The following CNTNAP2 variants were observed in gnomAD, a reference collection of about 807,000 sequenced individuals.
CNTNAP2 encodes the protein contactin associated protein 2, also known as contactin-associated protein-like 2.
In CNTNAP2, 98 loss-of-function variants were observed where a neutral mutation model predicts 155.2. That is an observed-to-expected ratio of 0.63 (90% CI 0.54 to 0.75). CNTNAP2 has a LOEUF of 0.75. Among genes scored for constraint, CNTNAP2 ranks in the 30% least tolerant of loss-of-function variants. CNTNAP2 has a pLI of 0.00. For missense variants in CNTNAP2, 1,727 were observed against 1,688.1 expected, an observed-to-expected ratio of 1.02 and a Z score of -0.40; for synonymous variants, 651 against 631.2, an observed-to-expected ratio of 1.03 and a Z score of -0.47.
chr7:147,718,828 A>G (rs369981373), intron 13 of CNTNAP2, among the ~76,000 whole-genome samples: 1 of 152,138 alleles, frequency 6.6e-6, no homozygotes, highest in African/African-American at 2.4e-5. Context: ...GGCTTAATCT[A>G]ATTACATACA....
At chr7:147,487,714 A>T (rs964035189) in intron 11 of CNTNAP2, among the ~76,000 whole-genome samples, 17 of 149,760 alleles carry the variant, frequency 1.1e-4, no homozygotes, top group African/African-American at 7.4e-5. Flanking sequence ...AAAAAAAAAA[A>T]TTAAAATGTA....
At chr7:148,159,863 G>T (rs1805484036) in intron 17 of CNTNAP2, among the ~76,000 whole-genome samples, 1 of 152,078 alleles carries the variant, frequency 6.6e-6, no homozygotes, top group Admixed American at 6.5e-5. Flanking sequence ...TTGATTTATT[G>T]TTCCTTGTAC....
chr7:146,244,427 GA>G (rs1218232137), intron 1 of CNTNAP2, among the ~76,000 whole-genome samples: 1 of 152,148 alleles, frequency 6.6e-6, no homozygotes, highest in African/African-American at 2.4e-5. Flanking sequence ...CTGGTGTCTG[GA>G]ATGAGACTGG....
At chr7:147,226,006 TGAAA>T (rs529591434) in intron 8 of CNTNAP2, among the ~76,000 whole-genome samples, 21 of 150,032 alleles carry the variant, frequency 1.4e-4, no homozygotes, top group African/African-American at 2.7e-4. Flanking sequence ...AAAGAAAGAA[TGAAA>T]GAAAGAAAGA....
Position 148,143,793 on chromosome 7 carries a change from C to A in CNTNAP2, c.2555-3698C>A, listed in dbSNP as rs568461764. On this transcript the variant is annotated intron_variant, in intron 16 of 23. Transcript: ENST00000361727. ...GACATTTGTGAGGCAGCTCCAGCAA[C>A]ATTAAGAACCACAGCTTCCCACCCA... 8.5e-5 allele frequency among the ~76,000 whole-genome samples: 13 copies of A among 152,330 alleles called. No homozygotes were observed. The South Asian group carries it at 2.1e-3, about 24-fold the overall frequency.
chr7:146,647,032 C>A (rs972449360), intron 1 of CNTNAP2, among the ~76,000 whole-genome samples: 7 of 152,182 alleles, frequency 4.6e-5, no homozygotes, highest in African/African-American at 1.7e-4. Context: ...CACAAGAGGA[C>A]AGGGACTCCC....
At chr7:147,618,192 T>A (rs947344973) in intron 12 of CNTNAP2, among the ~76,000 whole-genome samples, 19 of 152,196 alleles carry the variant, frequency 1.2e-4, no homozygotes, top group African/African-American at 4.6e-4. Flanking sequence ...TAAGAATATG[T>A]CATAGGTTAC....
At chr7:147,677,360 CTTTG>C (rs898304078) in intron 13 of CNTNAP2, among the ~76,000 whole-genome samples, 22 of 151,624 alleles carry the variant, frequency 1.5e-4, no homozygotes, top group African/African-American at 4.3e-4. Flanking sequence ...ATTTGTTATT[CTTTG>C]TTTGTTCTGC....
chr7:147,613,097 T>C (rs62483185), intron 12 of CNTNAP2, among the ~76,000 whole-genome samples: 23,219 of 152,154 alleles, frequency 0.15, 2,180 homozygotes, highest in East Asian at 0.32. Context: ...CAAATTATTT[T>C]CCAAAATAGC....
chr7:146,198,118 C>T lies in CNTNAP2; in HGVS notation c.97+81145C>T, dbSNP rs530568348. On this transcript the variant is annotated intron_variant, in intron 1 of 23. Coordinates refer to ENST00000361727, the MANE Select transcript of CNTNAP2 (RefSeq NM_014141.6). ...ACCTCCCACCAAGTCCCTCCCTACA[C>T]ATGTGGGGATGACAATTCGGATTAT... Among the ~76,000 whole-genome samples, 7 of 152,264 alleles carry T rather than the reference C, an allele frequency of 4.6e-5. No homozygotes were observed. In the South Asian group the frequency reaches 1.5e-3, roughly 32 times the overall value.
rs1348141350 is a variant in CNTNAP2 at position 147,131,046 on chromosome 7, A to ATATATGTG, written c.1084-1194_1084-1193insGTGTATAT. Among the ~76,000 whole-genome samples, 373 of 147,020 alleles carry ATATATGTG rather than the reference A, an allele frequency of 2.5e-3. 3 individuals carry two copies. The highest frequency in any genetic ancestry group is 9.2e-3 in the African/African-American group (353 of 38,346). On this transcript the variant is annotated intron_variant, in intron 7 of 23. Coordinates refer to ENST00000361727, the MANE Select transcript of CNTNAP2 (RefSeq NM_014141.6). ...ATCAGGTATATATATATATACACAT[A>ATATATGTG]TATATATGTGTATATATATGTGTGT...
At chr7:146,982,236 A>G (rs1265283258) in intron 3 of CNTNAP2, among the ~76,000 whole-genome samples, 1 of 152,202 alleles carries the variant, frequency 6.6e-6, no homozygotes, top group Non-Finnish European at 1.5e-5. Flanking sequence ...AGCTGTGTAA[A>G]TTATAACACA....
At chr7:146,155,905 T>A (rs1798118978) in intron 1 of CNTNAP2, among the ~76,000 whole-genome samples, 1 of 151,882 alleles carries the variant, frequency 6.6e-6, no homozygotes, top group African/African-American at 2.4e-5. Context: ...GGTTTCACCA[T>A]GTTGGTCAGG....
intron 1 of CNTNAP2, among the ~76,000 whole-genome samples, chr7:146,185,761 C>CTT (rs1554400924): frequency 1.9e-4 from 18 of 94,892 alleles, no homozygotes; most frequent in East Asian, 4.5e-4. Context: ...TTTTATTATT[C>CTT]TTTTTTTTTT....
chr7:146,895,496 A>C (rs757035119), intron 3 of CNTNAP2, among the ~76,000 whole-genome samples: 14 of 152,150 alleles, frequency 9.2e-5, no homozygotes, highest in Non-Finnish European at 1.9e-4. Context: ...ATAAAATCTC[A>C]TAATCAAATT....
At chr7:146,472,165 T>C (rs1255970802) in intron 1 of CNTNAP2, among the ~76,000 whole-genome samples, 1 of 152,216 alleles carries the variant, frequency 6.6e-6, no homozygotes, top group East Asian at 1.9e-4. Flanking sequence ...TGTTTCACAG[T>C]GGGTGGATAT....
chr7:146,714,157 T>C (rs946844803), intron 1 of CNTNAP2, among the ~76,000 whole-genome samples: 2 of 152,204 alleles, frequency 1.3e-5, no homozygotes, highest in Non-Finnish European at 2.9e-5. Flanking sequence ...CGCATGATCA[T>C]GGCTATTCAC....
chr7:148,404,467 A>G (rs997414863), intron 22 of CNTNAP2, among the ~76,000 whole-genome samples: 8 of 150,684 alleles, frequency 5.3e-5, no homozygotes, highest in Non-Finnish European at 1.0e-4. Flanking sequence ...ATGAGACGGG[A>G]GAGTTCCCTA....
At chr7:146,732,199 A>G (rs1441274640) in intron 1 of CNTNAP2, among the ~76,000 whole-genome samples, 1 of 152,148 alleles carries the variant, frequency 6.6e-6, no homozygotes, top group African/African-American at 2.4e-5. Context: ...ATCTCCTGTA[A>G]TATACATTTT....
Sources: allele counts gnomAD v4.1 joint callset (sites outside exome capture counted in the v4.1 genomes callset), GRCh38; gene constraint gnomAD v4.1.1; transcripts MANE v1.5; gene names NCBI Gene and HGNC (gene_info 2026-07-23, HGNC 2026-07-21).